Variants in KCNIP4 observed in about 807,000 individuals in gnomAD.
KCNIP4 encodes the protein Kv channel-interacting protein 4.
A neutral mutation model predicts 34.0 loss-of-function variants in KCNIP4; 12 were observed. That is an observed-to-expected ratio of 0.35 (90% CI 0.23 to 0.57). The LOEUF is 0.57. Ranked by LOEUF, KCNIP4 falls within the 20% of genes least tolerant of loss-of-function variation. The pLI, the probability that KCNIP4 is intolerant of heterozygous loss-of-function variation, is 0.83. For synonymous variants in KCNIP4, 124 were observed against 102.2 expected (o/e 1.21, Z -1.29); for missense variants, 238 against 311.7 (o/e 0.76, Z 1.78).
At chr4:21,652,395 C>A (rs1008156404) in intron 1 of KCNIP4, among the ~76,000 whole-genome samples, 7 of 152,126 alleles carry the variant, frequency 4.6e-5, no homozygotes, top group Non-Finnish European at 8.8e-5. Context: ...ATACCTCAGG[C>A]CTTCCTGTCT....
intron 1 of KCNIP4, among the ~76,000 whole-genome samples, chr4:21,885,459 ACT>A (rs1378321184): frequency 1.3e-5 from 2 of 151,872 alleles, no homozygotes; most frequent in African/African-American, 4.8e-5. Flanking sequence ...TTGATCTACA[ACT>A]CTTTCTTTGT....
chr4:21,777,293 A>T (rs1274283893), intron 1 of KCNIP4, among the ~76,000 whole-genome samples: 3 of 152,172 alleles, frequency 2.0e-5, no homozygotes, highest in African/African-American at 7.2e-5. Context: ...AAATAAACTA[A>T]TACAGATGTC....
chr4:21,088,928 C>T (rs527595650), intron 1 of KCNIP4, among the ~76,000 whole-genome samples: 1 of 152,164 alleles, frequency 6.6e-6, no homozygotes, highest in East Asian at 1.9e-4. Flanking sequence ...ATACAATACC[C>T]CAATCAGTGC....
At chr4:21,589,169 T>C (rs1289268789) in intron 1 of KCNIP4, among the ~76,000 whole-genome samples, 3 of 48,892 alleles carry the variant, frequency 6.1e-5, no homozygotes, top group Non-Finnish European at 1.2e-4. Flanking sequence ...TATATATATA[T>C]ATATATATAT....
intron 1 of KCNIP4, among the ~76,000 whole-genome samples, chr4:21,638,178 A>C (rs1746359171): frequency 6.6e-6 from 1 of 152,176 alleles, no homozygotes. Context: ...AGCAGAGTAC[A>C]CAACTATATC....
chr4:21,654,035 A>C (rs1747716822), intron 1 of KCNIP4, among the ~76,000 whole-genome samples: 1 of 152,218 alleles, frequency 6.6e-6, no homozygotes, highest in Non-Finnish European at 1.5e-5. Flanking sequence ...CCATTAACCT[A>C]TTTATATCCT....
intron 1 of KCNIP4, among the ~76,000 whole-genome samples, chr4:21,288,621 C>T (rs1451852963): frequency 6.6e-6 from 1 of 152,030 alleles, no homozygotes; most frequent in Non-Finnish European, 1.5e-5. Flanking sequence ...GAAACTGAGA[C>T]ACAGAAAGGA....
At chr4:21,461,611 C>G (rs567918806) in intron 1 of KCNIP4, among the ~76,000 whole-genome samples, 1 of 152,124 alleles carries the variant, frequency 6.6e-6, no homozygotes, top group Non-Finnish European at 1.5e-5. Context: ...AAAAAAATCT[C>G]TTGTAAGTCC....
intron 1 of KCNIP4, among the ~76,000 whole-genome samples, chr4:21,341,139 T>C (rs1318678935): frequency 6.6e-6 from 1 of 152,046 alleles, no homozygotes; most frequent in Admixed American, 6.6e-5. Flanking sequence ...ACACTGAGGA[T>C]TGCCAACAAC....
At chr4:20,861,565 C>T (rs1722199464) in intron 2 of KCNIP4, among the ~76,000 whole-genome samples, 1 of 152,080 alleles carries the variant, frequency 6.6e-6, no homozygotes, top group Admixed American at 6.6e-5. Flanking sequence ...AAAACAAACA[C>T]CAAAAAATGA....
chr4:21,215,016 G>A (rs1278193262), intron 1 of KCNIP4, among the ~76,000 whole-genome samples: 2 of 152,128 alleles, frequency 1.3e-5, no homozygotes, highest in East Asian at 2.0e-4. Flanking sequence ...GTGTTCACTA[G>A]TAGCCCTTAT....
At chr4:21,013,195 A>G (rs1739215242) in intron 1 of KCNIP4, among the ~76,000 whole-genome samples, 1 of 152,208 alleles carries the variant, frequency 6.6e-6, no homozygotes, top group African/African-American at 2.4e-5. Context: ...ATATTTCCAC[A>G]TCAGTAGGGC....
At chr4:20,921,863 C>A (rs1729415699) in intron 1 of KCNIP4, among the ~76,000 whole-genome samples, 1 of 152,162 alleles carries the variant, frequency 6.6e-6, no homozygotes, top group Non-Finnish European at 1.5e-5. Context: ...TGAAGACTAT[C>A]TCTATTATAT....
intron 1 of KCNIP4, among the ~76,000 whole-genome samples, chr4:21,589,150 A>AGG (rs1229473499): frequency 8.9e-6 from 1 of 111,880 alleles, no homozygotes; most frequent in Non-Finnish European, 1.9e-5. Flanking sequence ...ACAAAAATGG[A>AGG]GGTGTGTATA....
intron 1 of KCNIP4, among the ~76,000 whole-genome samples, chr4:21,780,159 A>G (rs189221546): frequency 1.2e-3 from 189 of 152,010 alleles, no homozygotes; most frequent in Non-Finnish European, 2.1e-3. Context: ...AACAGAGAAT[A>G]ACACAGAACA....
chr4:21,127,170 T>C (rs1750690529), intron 1 of KCNIP4, among the ~76,000 whole-genome samples: 2 of 152,180 alleles, frequency 1.3e-5, no homozygotes, highest in Admixed American at 1.3e-4. Flanking sequence ...AGGTCTTCCC[T>C]CTTGGCTGTC....
intron 1 of KCNIP4, among the ~76,000 whole-genome samples, chr4:21,107,122 T>G (rs1472376679): frequency 6.8e-6 from 1 of 147,112 alleles, no homozygotes; most frequent in Admixed American, 6.7e-5. Flanking sequence ...GTCCGCTTGG[T>G]GCAGAGCTGA....
chr4:21,887,151 T>C (rs974019178), intron 1 of KCNIP4, among the ~76,000 whole-genome samples: 1 of 152,112 alleles, frequency 6.6e-6, no homozygotes, highest in Non-Finnish European at 1.5e-5. Context: ...TAGATGATAA[T>C]GGCCTGGTGT....
At chr4:21,388,017 A>T (rs1407987339) in intron 1 of KCNIP4, among the ~76,000 whole-genome samples, 1 of 150,466 alleles carries the variant, frequency 6.6e-6, no homozygotes, top group Non-Finnish European at 1.5e-5. Flanking sequence ...ACGGGATGAA[A>T]GGCATTTACA....
Sources: gnomAD v4.1 joint callset for allele counts (sites outside exome capture counted in the v4.1 genomes callset) on GRCh38, gnomAD v4.1.1 for gene constraint, MANE v1.5 for transcripts, NCBI Gene and HGNC (gene_info 2026-07-23, HGNC 2026-07-21) for gene names.